THOC2: variants seen among roughly 807,000 people sequenced by gnomAD.
THOC2 encodes THO complex 2.
THOC2 carries 10 observed loss-of-function variants against 128.4 expected under a neutral mutation model. The ratio of observed to expected loss-of-function variants is 0.08; its 90% CI spans 0.05 to 0.13. The LOEUF (loss-of-function observed/expected upper bound fraction) is 0.13. Among genes scored for constraint, THOC2 ranks in the 10% least tolerant of loss-of-function variants. The pLI is 1.00. For synonymous variants in THOC2, 393 were observed against 396.9 expected (o/e 0.99, Z 0.12); for missense variants, 535 against 1,155.7 (o/e 0.46, Z 7.79).
At chrX:123,671,612 C>G in intron 9 of THOC2, 57 bp downstream of exon 9, 1 of 787,869 alleles carries the variant, frequency 1.3e-6, no homozygotes, top group Non-Finnish European at 1.8e-6. Flanking sequence ...CTACCTACTC[C>G]TCTTCCCTAC....
intron 12 of THOC2, among the ~76,000 whole-genome samples, chrX:123,664,566 AAAG>A (rs1335741203): frequency 1.8e-5 from 2 of 112,530 alleles, no homozygotes; most frequent in Admixed American, 9.5e-5. Flanking sequence ...ACACTTCTCA[AAAG>A]AAGACATTTA....
intron 2 of THOC2, among the ~76,000 whole-genome samples, chrX:123,708,017 AG>A: frequency 9.2e-6 from 1 of 109,040 alleles, no homozygotes; most frequent in East Asian, 2.9e-4. Context: ...CTGTTATGCC[AG>A]GTACTCAGGA....
chrX:123,731,689 A>G (rs1247852822), intron 1 of THOC2, among the ~76,000 whole-genome samples: 1 of 111,127 alleles, frequency 9.0e-6, no homozygotes, highest in Non-Finnish European at 1.9e-5. Flanking sequence ...TGGCTAAGAC[A>G]GCCGCTTATT....
chrX:123,679,020 G>C (rs1014405296), intron 8 of THOC2, among the ~76,000 whole-genome samples: 1 of 110,429 alleles, frequency 9.1e-6, no homozygotes, highest in Non-Finnish European at 1.9e-5. Flanking sequence ...CAAGAACACC[G>C]CTCCAAATAA....
At chrX:123,658,047 G>A (rs2048679532) in intron 12 of THOC2, among the ~76,000 whole-genome samples, 1 of 108,367 alleles carries the variant, frequency 9.2e-6, no homozygotes, top group Admixed American at 1.0e-4. Context: ...GGGTCAGGAG[G>A]AAAGAATTAG....
At chrX:123,698,691 A>G (rs932490081) in intron 4 of THOC2, among the ~76,000 whole-genome samples, 12 of 108,308 alleles carry the variant, frequency 1.1e-4, no homozygotes, top group African/African-American at 4.0e-4. Flanking sequence ...CCTGGGCAAC[A>G]TGATGAAACC....
intron 7 of THOC2, 107 bp downstream of exon 7, chrX:123,695,913 GA>G (rs904055590): frequency 4.3e-3 from 2,020 of 472,766 alleles, no homozygotes; most frequent in Middle Eastern, 5.4e-3. Flanking sequence ...TTCCTTAACT[GA>G]AAAAAAAAAT....
chrX:123,697,292 A>G (rs981199375), intron 5 of THOC2, among the ~76,000 whole-genome samples: 11 of 112,170 alleles, frequency 9.8e-5, no homozygotes, highest in Non-Finnish European at 2.1e-4. Context: ...CAATCATGGC[A>G]AGTTCTAGAA....
intron 8 of THOC2, among the ~76,000 whole-genome samples, chrX:123,675,696 G>C (rs781743898): frequency 9.0e-6 from 1 of 111,037 alleles, no homozygotes; most frequent in Non-Finnish European, 1.9e-5. Flanking sequence ...AGCAACTATG[G>C]AGATTAGATT....
At chrX:123,718,405 C>T (rs2051524305) in intron 1 of THOC2, among the ~76,000 whole-genome samples, 1 of 111,602 alleles carries the variant, frequency 9.0e-6, no homozygotes, top group Admixed American at 9.5e-5. Flanking sequence ...AGATTTGACC[C>T]CAAAAGCTCA....
At chrX:123,619,323 G>A (rs1334970950) in intron 33 of THOC2, 78 bp downstream of exon 33, 1 of 580,486 alleles carries the variant, frequency 1.7e-6, no homozygotes, top group African/African-American at 2.3e-5. Context: ...GAATGTACTA[G>A]GGTGAGGACA....
At chrX:123,644,440 G>A (rs1369097329) in intron 15 of THOC2, 135 bp downstream of exon 15, 2 of 391,012 alleles carry the variant, frequency 5.1e-6, no homozygotes, top group African/African-American at 2.5e-5. Flanking sequence ...CATTCCATCT[G>A]TAGTATATAA....
intron 8 of THOC2, among the ~76,000 whole-genome samples, chrX:123,681,324 G>A (rs894145434): frequency 9.2e-6 from 1 of 108,265 alleles, no homozygotes; most frequent in African/African-American, 3.4e-5. Flanking sequence ...ATATTCCCAG[G>A]CTGCCAAAGT....
chrX:123,684,381 A>G (rs1297167407), intron 8 of THOC2, among the ~76,000 whole-genome samples: 1 of 111,628 alleles, frequency 9.0e-6, no homozygotes, highest in East Asian at 2.8e-4. Context: ...CTCTTTCCCA[A>G]TACCAAGAGT....
intron 5 of THOC2, 65 bp from the exon 6 acceptor site, chrX:123,696,907 C>A: frequency 1.2e-6 from 1 of 837,275 alleles, no homozygotes; most frequent in Non-Finnish European, 1.6e-6. Context: ...TAAATATATT[C>A]AAACTAAAGC....
intron 7 of THOC2, among the ~76,000 whole-genome samples, chrX:123,694,532 C>G (rs979951687): frequency 9.2e-6 from 1 of 108,372 alleles, no homozygotes; most frequent in Admixed American, 9.9e-5. Context: ...TGCTTGAACC[C>G]GGGAGGCAGA....
chrX:123,730,182 GTT>G (rs35214295), intron 1 of THOC2, among the ~76,000 whole-genome samples: 20 of 92,572 alleles, frequency 2.2e-4, no homozygotes, highest in Admixed American at 5.8e-4. Context: ...TTGGGTTTTT[GTT>G]TTTTTTTTTT....
intron 30 of THOC2, 75 bp from the exon 31 acceptor site, chrX:123,621,662 A>G (rs2047086028): frequency 1.2e-6 from 1 of 815,005 alleles, no homozygotes; most frequent in Non-Finnish European, 1.7e-6. Context: ...AAAATATATC[A>G]TAAAGGGTTT....
chrX:123,698,088 C>CT (rs1319474275), intron 4 of THOC2, among the ~76,000 whole-genome samples: 1 of 100,836 alleles, frequency 9.9e-6, no homozygotes, highest in Non-Finnish European at 2.0e-5. Context: ...GTCAGAGATG[C>CT]TAAAAAAAAA....
Sources: gnomAD v4.1 joint callset for allele counts (sites outside exome capture counted in the v4.1 genomes callset) on GRCh38, gnomAD v4.1.1 for gene constraint, MANE v1.5 for transcripts, NCBI Gene and HGNC (gene_info 2026-07-23, HGNC 2026-07-21) for gene names.